ELFN2: variants seen among roughly 807,000 people sequenced by gnomAD.
ELFN2 encodes the protein protein phosphatase 1 regulatory subunit 29.
ELFN2 carries 17 observed loss-of-function variants against 45.5 expected under a neutral mutation model. The observed-to-expected ratio is 0.37, with a 90% CI of 0.26 to 0.56. ELFN2 has a LOEUF of 0.56. Ranked by LOEUF, ELFN2 falls within the 20% of genes least tolerant of loss-of-function variation. The pLI, the probability that ELFN2 is intolerant of heterozygous loss-of-function variation, is 0.77. For synonymous variants in ELFN2, 550 were observed against 551.5 expected, an observed-to-expected ratio of 1.00 and a Z score of 0.04; for missense variants, 922 against 1,183.2, an observed-to-expected ratio of 0.78 and a Z score of 3.24.
chr22:37,391,438 G>A (rs1347608984), intron 2 of ELFN2, among the ~76,000 whole-genome samples: 1 of 152,170 alleles, frequency 6.6e-6, no homozygotes. Context: ...CACAGGCCCA[G>A]GAACAGAGGA....
At chr22:37,355,728 G>A (rs577693125) in intron 1 of ELFN2, among the ~76,000 whole-genome samples, 13 of 152,264 alleles carry the variant, frequency 8.5e-5, no homozygotes, top group Admixed American at 5.2e-4. Flanking sequence ...GTCCGTGGCC[G>A]GGGGAGCCTC....
At position 37,370,060 on chromosome 22, in the gene ELFN2, T is replaced by C. The variant is rs1931322529; in HGVS notation, c.*3012A>G. 4 of 152,076 alleles carry C rather than the reference T, an allele frequency of 2.6e-5. No homozygotes were observed. The highest frequency in any genetic ancestry group is 2.6e-4 in the Admixed American group (4 of 15,282). The allele number at this position is 152,076 out of a possible 1,614,324, so 9.4% of individuals were successfully genotyped here. ...TCTCCCCAAGCTGAGCAGTTGGGGCTCTGGCCTGGCTGGGAGGCCAGAGAC... is the reference window on the plus strand; with the variant it reads ...TCTCCCCAAGCTGAGCAGTTGGGGCCCTGGCCTGGCTGGGAGGCCAGAGAC... On this transcript the variant is annotated 3_prime_UTR_variant, in exon 3 of 3. Transcript: ENST00000402918.
chr22:37,403,773 G>A (rs1271396240), intron 2 of ELFN2, among the ~76,000 whole-genome samples: 1 of 152,244 alleles, frequency 6.6e-6, no homozygotes, highest in Non-Finnish European at 1.5e-5. Context: ...GCCATCGGCG[G>A]TGCCCGCCGT....
At chr22:37,366,075 G>C (rs534749450), downstream of ELFN2, among the ~76,000 whole-genome samples, 154 of 152,310 alleles carry the variant, frequency 1.0e-3, no homozygotes, top group African/African-American at 3.6e-3. Context: ...CGTTTGCTCG[G>C]TTTTCAAATA....
In ELFN2 at chr22:37,417,130, T is replaced by C. The variant is rs566003254; in HGVS notation, c.-463+639A>G. Among the ~76,000 whole-genome samples the C allele has an allele frequency of 2.6e-4, 39 of 150,486 alleles. No individual in the cohort carries two copies. The South Asian group carries it at 8.3e-3, about 32-fold the overall frequency. Reference sequence around the variant, plus strand: ...CCTCGGTGACAGCCCCAGCCTCTCCTCTCCTCTCCTCTCCAGGGCAGCCAC... The same window carrying C: ...CCTCGGTGACAGCCCCAGCCTCTCCCCTCCTCTCCTCTCCAGGGCAGCCAC... On this transcript the variant is annotated intron_variant, in intron 2 of 2. Coordinates refer to ENST00000402918, the MANE Select transcript of ELFN2 (RefSeq NM_052906.5). The surrounding 1 kb of genome is among the most constrained non-coding windows in gnomAD (Gnocchi z 4.5).
intron 1 of ELFN2, among the ~76,000 whole-genome samples, chr22:37,361,931 A>C (rs1351164695): frequency 6.6e-6 from 1 of 152,172 alleles, no homozygotes; most frequent in Non-Finnish European, 1.5e-5. Context: ...AGGGTCTCAC[A>C]GGCATGCATA....
chr22:37,363,185 C>T (rs539022863), downstream of ELFN2, among the ~76,000 whole-genome samples: 2 of 152,234 alleles, frequency 1.3e-5, no homozygotes, highest in Admixed American at 6.5e-5. Context: ...CACTTGGTTT[C>T]CTCTTGTGAA....
rs889482569 is a variant in ELFN2, at chr22:37,387,256, G to C, written c.-462-11260C>G. Among the ~76,000 whole-genome samples the C allele has an allele frequency of 2.0e-5, 3 of 152,014 alleles. No individual in the cohort carries two copies. In the East Asian group the frequency reaches 5.8e-4, roughly 29 times the overall value. On this transcript the variant is annotated intron_variant, in intron 2 of 2. Transcript: ENST00000402918. ...CACCTTCAGCCTGTTCCCCGGCCTCGGTTTCTCTCCCAGCGCCAAAGCACA... is the reference window on the plus strand; with the variant it reads ...CACCTTCAGCCTGTTCCCCGGCCTCCGTTTCTCTCCCAGCGCCAAAGCACA...
chr22:37,392,642 C>T (rs1459129028), intron 2 of ELFN2, among the ~76,000 whole-genome samples: 3 of 152,120 alleles, frequency 2.0e-5, no homozygotes, highest in African/African-American at 4.8e-5. Context: ...TTTTTATGCC[C>T]GTTCTGCAGA....
At chr22:37,348,359 A>G (rs1930744418) in intron 1 of ELFN2, among the ~76,000 whole-genome samples, 1 of 137,506 alleles carries the variant, frequency 7.3e-6, no homozygotes, top group African/African-American at 2.5e-5. Flanking sequence ...TTCCAGGCTC[A>G]GTGGAGACAG....
intron 2 of ELFN2, among the ~76,000 whole-genome samples, chr22:37,394,267 C>A: frequency 6.6e-6 from 1 of 152,230 alleles, no homozygotes. Flanking sequence ...CCAAGCTTGT[C>A]TGGATGGCAG....
intron 2 of ELFN2, among the ~76,000 whole-genome samples, chr22:37,392,525 A>G (rs529419310): frequency 3.3e-5 from 5 of 152,136 alleles, no homozygotes; most frequent in East Asian, 1.9e-4. Context: ...TCACCATGTT[A>G]GCCAGGATGG....
Position 37,370,881 on chromosome 22 carries a change from T to C in ELFN2, c.*2191A>G, listed in dbSNP as rs1362286552. 3 of 151,260 alleles carry C rather than the reference T, an allele frequency of 2.0e-5. No homozygotes were observed. The highest frequency in any genetic ancestry group is 7.3e-5 in the African/African-American group (3 of 40,962). 9.4% of individuals were successfully genotyped at this position (151,260 alleles called of 1,614,324 possible). A position where few individuals can be genotyped will look rare whatever the true frequency, so the allele number is the denominator to read the frequency against. On this transcript the variant is annotated 3_prime_UTR_variant, in exon 3 of 3. Coordinates refer to ENST00000402918, the MANE Select transcript of ELFN2 (RefSeq NM_052906.5). ...TCAGAAAAATACAGTAAAATCGTCA[T>C]GCAAATATAACAGGGAGTCTGCTTC...
intron 2 of ELFN2, among the ~76,000 whole-genome samples, chr22:37,398,819 T>G (rs1408587400): frequency 6.6e-6 from 1 of 152,054 alleles, no homozygotes; most frequent in African/African-American, 2.4e-5. Flanking sequence ...TGGTGCGGGA[T>G]CTCCTAGGCT....
At chr22:37,404,135 C>T (rs9607459) in intron 2 of ELFN2, among the ~76,000 whole-genome samples, 27,524 of 152,146 alleles carry the variant, frequency 0.18, 3,598 homozygotes, top group African/African-American at 0.37. Context: ...GAGGGAGCCC[C>T]GAGGCCGAGC....
chr22:37,366,007 T>C (rs73884005), downstream of ELFN2, among the ~76,000 whole-genome samples: 864 of 152,346 alleles, frequency 5.7e-3, 6 homozygotes, highest in African/African-American at 0.02. Flanking sequence ...GGGTTTTCTT[T>C]TAAGTAATGG....
At chr22:37,393,322 C>G (rs189989462) in intron 2 of ELFN2, among the ~76,000 whole-genome samples, 4 of 152,368 alleles carry the variant, frequency 2.6e-5, no homozygotes, top group African/African-American at 7.2e-5. Context: ...TTATGCTCCC[C>G]CATCAACAGC....
intron 2 of ELFN2, among the ~76,000 whole-genome samples, chr22:37,415,013 C>A (rs1932740731): frequency 6.6e-6 from 1 of 152,230 alleles, no homozygotes; most frequent in Non-Finnish European, 1.5e-5. Flanking sequence ...TCTTATCATC[C>A]CCATTGTACA....
intron 2 of ELFN2, among the ~76,000 whole-genome samples, chr22:37,396,398 G>T (rs1294938496): frequency 6.6e-6 from 1 of 152,200 alleles, no homozygotes; most frequent in East Asian, 1.9e-4. Flanking sequence ...AGCAAATGCT[G>T]CAGAAGCCAA....
Sources: allele counts gnomAD v4.1 joint callset (sites outside exome capture counted in the v4.1 genomes callset), GRCh38; gene constraint gnomAD v4.1.1; non-coding constraint Gnocchi (gnomAD v3.1); transcripts MANE v1.5; gene names NCBI Gene and HGNC (gene_info 2026-07-23, HGNC 2026-07-21).